PRPF39: variants seen among roughly 807,000 people sequenced by gnomAD.
The protein encoded by PRPF39 is pre-mRNA processing factor 39.
A neutral mutation model predicts 82.1 loss-of-function variants in PRPF39; 27 were observed. That is an observed-to-expected ratio of 0.33 (90% CI 0.24 to 0.45). PRPF39 has a LOEUF of 0.45. Among genes scored for constraint, PRPF39 ranks in the 20% least tolerant of loss-of-function variants. The pLI is 1.00. For missense variants in PRPF39, 581 were observed against 796.9 expected (o/e 0.73, Z 3.26); for synonymous variants, 261 against 256.4 (o/e 1.02, Z -0.17).
intron 10 of PRPF39, 68 bp from the exon 11 acceptor site, chr14:45,112,250 G>T: frequency 1.6e-6 from 2 of 1,265,644 alleles, no homozygotes; most frequent in Middle Eastern, 2.3e-4. Context: ...AAAAACTAAG[G>T]CATTTTAAAT....
rs1288708525 is a variant in PRPF39 at position 45,095,337 on chromosome 14, C to G, written c.98C>G (p.Thr33Ser). ...GTAGAACATCCTACTGATTTCAGTACTGAGATTATGAACGTTACAGAAATG... is the reference window on the plus strand; with the variant it reads ...GTAGAACATCCTACTGATTTCAGTAGTGAGATTATGAACGTTACAGAAATG... ...VVVEHPTDFS[T>S]EIMNVTEMEQ... The change falls in exon 2 of 14, where the codon ACT (threonine) becomes AGT (serine). Residue 33 changes from threonine to serine, a missense_variant. Physicochemically the swap from Thr to Ser is moderately conservative, Grantham distance 58. Coordinates refer to ENST00000355765, the MANE Select transcript of PRPF39 (RefSeq NM_017922.4). 1.9e-6 allele frequency: 3 copies of G among 1,613,348 alleles called. No homozygotes were observed. Among genetic ancestry groups the G allele is most frequent in the Non-Finnish European group, 2.5e-6 (3 of 1,179,336 alleles).
At position 45,116,279 on chromosome 14, in the gene PRPF39, A is replaced by AT. The variant is rs1412495965; in HGVS notation, c.*1367dup. 6.3e-7 allele frequency: 1 copy of AT among 1,587,888 alleles called. No individual in the cohort carries two copies. Among genetic ancestry groups the AT allele is most frequent in the East Asian group, 2.2e-5 (1 of 44,722 alleles). On this transcript the variant is annotated 3_prime_UTR_variant, in exon 14 of 14. Coordinates refer to ENST00000355765, the MANE Select transcript of PRPF39 (RefSeq NM_017922.4). ...TGTTGAAGAAGTCAAGGTACATTTG[A>AT]TAAAAAGTGCCTCTCCCCTACCCCC...
intron 5 of PRPF39, among the ~76,000 whole-genome samples, chr14:45,104,181 C>T (rs560671694): frequency 6.6e-6 from 1 of 152,102 alleles, no homozygotes; most frequent in African/African-American, 2.4e-5. Flanking sequence ...TCCCACTAGG[C>T]TTTTATTTAT....
chr14:45,092,939 G>C (rs1884083456), intron 1 of PRPF39, among the ~76,000 whole-genome samples: 1 of 151,938 alleles, frequency 6.6e-6, no homozygotes, highest in African/African-American at 2.4e-5. Context: ...TCAACTTATA[G>C]CTGGCTTTTT....
Position 45,086,846 on chromosome 14 carries a change from G to GTTTTTTTT in PRPF39, c.-20+2613_-20+2620dup, listed in dbSNP as rs57666854. On this transcript the variant is annotated intron_variant, in intron 1 of 13. Coordinates refer to ENST00000355765, the MANE Select transcript of PRPF39 (RefSeq NM_017922.4). ...TGCAGTAGTGCAGCAGTGTTTCTCA[G>GTTTTTTTT]TTTTTTTTTTTTTTTTTTTTTTTAC... 5.9e-5 allele frequency among the ~76,000 whole-genome samples: 7 copies of GTTTTTTTT among 118,458 alleles called. 1 individual carries two copies. The highest frequency in any genetic ancestry group is 8.9e-5 in the Non-Finnish European group (5 of 56,170). The allele number at this position is 118,458 out of a possible 152,430, so 77.7% of individuals were successfully genotyped here.
intron 3 of PRPF39, chr14:45,096,574 G>A (rs987581290): frequency 1.5e-5 from 21 of 1,437,136 alleles, no homozygotes; most frequent in Middle Eastern, 3.7e-4. Context: ...CATTTGCTAC[G>A]TCTTATTGCA....
intron 4 of PRPF39, among the ~76,000 whole-genome samples, chr14:45,100,559 C>G (rs1166875614): frequency 2.0e-5 from 3 of 152,140 alleles, no homozygotes; most frequent in African/African-American, 7.2e-5. Flanking sequence ...ATTTCATTAC[C>G]TTCTTGTCTT....
chr14:45,110,143 TCAG>T lies in PRPF39; in HGVS notation c.1230_1232del (p.Ser410del), dbSNP rs1437159994. The T allele has an allele frequency of 6.2e-7, 1 of 1,613,662 alleles. No homozygotes were observed. Among genetic ancestry groups the T allele is most frequent in the Admixed American group, 1.7e-5 (1 of 59,996 alleles). Reference sequence around the variant, plus strand: ...AGCATTGAAGGAGTGAGGCATGTCTTCAGCAGAGCTTGTACTATACATCTCCCA... The same window carrying T: ...AGCATTGAAGGAGTGAGGCATGTCTTCAGAGCTTGTACTATACATCTCCCA... On this transcript the variant is annotated inframe_deletion, in exon 9 of 14. Transcript: ENST00000355765. The surrounding 1 kb of genome is among the most constrained non-coding windows in gnomAD (Gnocchi z 4.0).
At chr14:45,105,620 A>G (rs1053043675) in intron 5 of PRPF39, among the ~76,000 whole-genome samples, 5 of 145,784 alleles carry the variant, frequency 3.4e-5, no homozygotes, top group African/African-American at 1.3e-4. Context: ...TCCACCTCCC[A>G]GGTTCAAGTG....
At chr14:45,089,027 A>G (rs762816416) in intron 1 of PRPF39, among the ~76,000 whole-genome samples, 10 of 152,166 alleles carry the variant, frequency 6.6e-5, no homozygotes, top group Non-Finnish European at 1.3e-4. Flanking sequence ...ATATGCAAAT[A>G]TTTTCTCCCA....
At chr14:45,106,632 A>G (rs1884541908) in intron 5 of PRPF39, among the ~76,000 whole-genome samples, 3 of 152,202 alleles carry the variant, frequency 2.0e-5, no homozygotes, top group Admixed American at 1.3e-4. Flanking sequence ...GCAGTTGTAT[A>G]TGCTAATGTG....
intron 4 of PRPF39, among the ~76,000 whole-genome samples, chr14:45,100,266 AAACAC>A (rs2139050545): frequency 6.6e-6 from 1 of 152,220 alleles, no homozygotes; most frequent in African/African-American, 2.4e-5. Context: ...AAACAAAACA[AAACAC>A]AAGCATATGG....
chr14:45,090,602 A>G (rs915626426), intron 1 of PRPF39, among the ~76,000 whole-genome samples: 1 of 152,040 alleles, frequency 6.6e-6, no homozygotes, highest in Non-Finnish European at 1.5e-5. Context: ...CTATTATTCC[A>G]TAATTTTTCA....
At chr14:45,096,763 T>C in intron 3 of PRPF39, 124 bp from the exon 4 acceptor site, 1 of 1,537,924 alleles carries the variant, frequency 6.5e-7, no homozygotes. Context: ...CAAATGGTAA[T>C]GGTAGATTAT....
At chr14:45,092,525 C>T (rs1184868945) in intron 1 of PRPF39, among the ~76,000 whole-genome samples, 5 of 148,708 alleles carry the variant, frequency 3.4e-5, no homozygotes, top group Admixed American at 1.4e-4. Flanking sequence ...CGCTTGAACC[C>T]GGAAGGCGAG....
chr14:45,100,044 A>G (rs1260039565), intron 4 of PRPF39, among the ~76,000 whole-genome samples: 3 of 152,172 alleles, frequency 2.0e-5, no homozygotes, highest in African/African-American at 4.8e-5. Flanking sequence ...TCTGGCCAAC[A>G]TGGTGAAACC....
At position 45,107,573 on chromosome 14, in the gene PRPF39, A is replaced by G; in HGVS notation, c.860A>G (p.Asp287Gly). ...GHSGDDGPPG[D>G]DLPSGIEDIT... ...AGTGGTGATGATGGTCCTCCTGGTG[A>G]TGATCTACCATCGGGAATTGAAGAC... The change falls in exon 6 of 14, where the codon GAT (aspartate) becomes GGT (glycine). Residue 287 changes from aspartate (D) to glycine (G), a missense_variant. Transcript: ENST00000355765. The G allele has an allele frequency of 6.4e-7, 1 of 1,552,814 alleles. No individual in the cohort carries two copies. Among genetic ancestry groups the G allele is most frequent in the Non-Finnish European group, 8.7e-7 (1 of 1,147,254 alleles).
chr14:45,091,401 C>T (rs1439711484), intron 1 of PRPF39, among the ~76,000 whole-genome samples: 3 of 152,160 alleles, frequency 2.0e-5, no homozygotes, highest in Non-Finnish European at 2.9e-5. Flanking sequence ...CTTGGCTTCC[C>T]GAAGTGTTGG....
At chr14:45,112,763 A>G (rs1381782034) in intron 11 of PRPF39, among the ~76,000 whole-genome samples, 2 of 152,232 alleles carry the variant, frequency 1.3e-5, no homozygotes, top group African/African-American at 4.8e-5. Context: ...TGAATGAGAG[A>G]AGGCAGGAAG....
Sources: gnomAD v4.1 joint callset for allele counts (sites outside exome capture counted in the v4.1 genomes callset) on GRCh38, gnomAD v4.1.1 for gene constraint, Gnocchi (gnomAD v3.1) non-coding constraint, MANE v1.5 for transcripts, NCBI Gene and HGNC (gene_info 2026-07-23, HGNC 2026-07-21) for gene names.